NFIX: variants seen among roughly 807,000 people sequenced by gnomAD.
The protein encoded by NFIX is nuclear factor I X.
Under a neutral mutation model 53.3 loss-of-function variants are expected in NFIX, and 2 were observed. The ratio of observed to expected loss-of-function variants is 0.04; its 90% CI spans 0.02 to 0.12. NFIX has a LOEUF of 0.12. Among genes scored for constraint, NFIX ranks in the 10% least tolerant of loss-of-function variants. NFIX has a pLI of 1.00. For synonymous variants in NFIX, 244 were observed against 289.0 expected (o/e 0.84, Z 1.58); for missense variants, 310 against 674.5 (o/e 0.46, Z 5.99).
rs1157966190 is a variant in NFIX at position 13,087,774 on chromosome 19, CAAAA to C, written c.1255-194_1255-191del. 6.1e-3 allele frequency among the ~76,000 whole-genome samples: 160 copies of C among 26,380 alleles called. 1 individual carries two copies. Among genetic ancestry groups the C allele is most frequent in the African/African-American group, 0.026 (146 of 5,594 alleles). 17.3% of individuals were successfully genotyped at this position (26,380 alleles called of 152,430 possible). A position where few individuals can be genotyped will look rare whatever the true frequency, so the allele number is the denominator to read the frequency against. ...CCCTCCCACAACTTCAAAAGAGGAC[CAAAA>C]AAAAAAAAAAAAAAAAAAAAGAGAA... On this transcript the variant is annotated intron_variant, in intron 8 of 10. Coordinates refer to ENST00000592199, the MANE Select transcript of NFIX (RefSeq NM_001365902.3).
chr19:12,997,132 C>T (rs1431098734), intron 1 of NFIX, among the ~76,000 whole-genome samples: 4 of 152,266 alleles, frequency 2.6e-5, no homozygotes, highest in Non-Finnish European at 5.9e-5. Flanking sequence ...GTGTCCACAG[C>T]TTACAGTGGC....
At chr19:13,048,460 C>G (rs1383624704) in intron 2 of NFIX, among the ~76,000 whole-genome samples, 1 of 152,068 alleles carries the variant, frequency 6.6e-6, no homozygotes, top group African/African-American at 2.4e-5. Flanking sequence ...TTTCAGAACT[C>G]AGTGTCTTCT....
At position 13,073,853 on chromosome 19, in the gene NFIX, C is replaced by T. The variant is rs1186475585; in HGVS notation, c.698-53C>T. ...AGCTGTTCATGACAAAGAAACAGAC[C>T]CCATCAGGCCTCCCCCCACCTCCAA... is the stretch of plus-strand genomic sequence containing the variant. On this transcript the variant is annotated intron_variant, in intron 4 of 10. Transcript: ENST00000592199. The surrounding 1 kb of genome is among the most constrained non-coding windows in gnomAD (Gnocchi z 4.5). The T allele has an allele frequency of 1.9e-6, 3 of 1,611,996 alleles. No homozygotes were observed. In the African/African-American group the frequency reaches 4.0e-5, roughly 22 times the overall value.
chr19:13,009,964 G>C lies in NFIX; in HGVS notation c.27+14100G>C, dbSNP rs2012238017. On this transcript the variant is annotated intron_variant, in intron 1 of 10. Transcript: ENST00000592199. This position sits in a 1 kb window ranked among gnomAD's most constrained non-coding sequence, Gnocchi z 4.7. ...GCCTAACCCTGTCCACACAGGTGGAGTGGCCCACCTTGGGCCCGGGGGGGC... is the reference window on the plus strand; with the variant it reads ...GCCTAACCCTGTCCACACAGGTGGACTGGCCCACCTTGGGCCCGGGGGGGC... Among the ~76,000 whole-genome samples the C allele has an allele frequency of 6.6e-6, 1 of 152,178 alleles. No individual in the cohort carries two copies. Among genetic ancestry groups the C allele is most frequent in the Non-Finnish European group, 1.5e-5 (1 of 68,010 alleles).
chr19:13,079,104 C>T (rs779904460), intron 7 of NFIX, among the ~76,000 whole-genome samples: 18 of 152,256 alleles, frequency 1.2e-4, no homozygotes, highest in Admixed American at 2.6e-4. Flanking sequence ...GCCTTCCTGC[C>T]GGCTCCTCTC....
intron 6 of NFIX, among the ~76,000 whole-genome samples, chr19:13,076,170 G>A (rs2017090102): frequency 6.6e-6 from 1 of 152,158 alleles, no homozygotes; most frequent in South Asian, 2.1e-4. Flanking sequence ...GACATTGTCA[G>A]ACGTTCCCTA....
Position 13,001,335 on chromosome 19 carries a change from G to T in NFIX, c.27+5471G>T, listed in dbSNP as rs896283075. 2.6e-5 allele frequency among the ~76,000 whole-genome samples: 4 copies of T among 152,168 alleles called. No individual in the cohort carries two copies. The East Asian group carries it at 7.7e-4, about 29-fold the overall frequency. Reference sequence around the variant, plus strand: ...CATGTCTCCCAGCGTCCATCACTGGGTGCTACCTGCATGTGACTCCACGGA... The same window carrying T: ...CATGTCTCCCAGCGTCCATCACTGGTTGCTACCTGCATGTGACTCCACGGA... On this transcript the variant is annotated intron_variant, in intron 1 of 10. Transcript: ENST00000592199. The surrounding 1 kb of genome is among the most constrained non-coding windows in gnomAD (Gnocchi z 6.5).
Position 13,055,039 on chromosome 19 carries a change from G to A in NFIX, c.560-18008G>A, listed in dbSNP as rs1031573267. 2.0e-5 allele frequency among the ~76,000 whole-genome samples: 3 copies of A among 152,052 alleles called. No homozygotes were observed. In the East Asian group the frequency reaches 5.8e-4, roughly 29 times the overall value. ...TCTTTCTGGCCTCGTGATGGGTGGG[G>A]CCCACTTTTCCCTTCCTTCTCTCTC... On this transcript the variant is annotated intron_variant, in intron 2 of 10. Transcript: ENST00000592199.
At chr19:13,075,489 GC>G in intron 5 of NFIX, 45 bp from the exon 6 acceptor site, 1 of 1,605,330 alleles carries the variant, frequency 6.2e-7, no homozygotes, top group Non-Finnish European at 8.5e-7. Flanking sequence ...ACTCCCTGGA[GC>G]CTCAGCCCAT....
intron 2 of NFIX, among the ~76,000 whole-genome samples, chr19:13,065,508 G>A (rs568927492): frequency 6.6e-6 from 1 of 152,164 alleles, no homozygotes; most frequent in Non-Finnish European, 1.5e-5. Context: ...AGACACAGGA[G>A]GAGCCTGCAG....
At chr19:13,069,257 T>C (rs957801673) in intron 2 of NFIX, among the ~76,000 whole-genome samples, 21 of 151,904 alleles carry the variant, frequency 1.4e-4, no homozygotes, top group African/African-American at 2.4e-5. Flanking sequence ...ACAGTTAGTG[T>C]CCCCACTGGC....
rs2017466920 is a variant in NFIX at position 13,081,570 on chromosome 19, G to A, written c.1079-110G>A. ...TGTGCCTGTGGCGGCTGCCTTACCT[G>A]CTCAGGATCCTCAGGACCCTCTGAC... On this transcript the variant is annotated intron_variant, in intron 7 of 10. Coordinates refer to ENST00000592199, the MANE Select transcript of NFIX (RefSeq NM_001365902.3). This position sits in a 1 kb window ranked among gnomAD's most constrained non-coding sequence, Gnocchi z 4.7. 2 of 1,172,574 alleles carry A rather than the reference G, an allele frequency of 1.7e-6. No individual in the cohort carries two copies. Among genetic ancestry groups the A allele is most frequent in the South Asian group, 3.1e-5 (2 of 64,104 alleles). 72.6% of individuals were successfully genotyped at this position (1,172,574 alleles called of 1,614,324 possible). A position where few individuals can be genotyped will look rare whatever the true frequency, so the allele number is the denominator to read the frequency against.
chr19:13,006,903 G>A lies in NFIX; in HGVS notation c.27+11039G>A, dbSNP rs1000530397. 6.6e-6 allele frequency among the ~76,000 whole-genome samples: 1 copy of A among 152,152 alleles called. No homozygotes were observed. The highest frequency in any genetic ancestry group is 2.1e-4 in the South Asian group (1 of 4,826). Reference sequence around the variant, plus strand: ...CCCCACCCCATGCCCGGGCAGAGCCGAGCGGCTGCTGCTGCCAGTCTCCAT... The same window carrying A: ...CCCCACCCCATGCCCGGGCAGAGCCAAGCGGCTGCTGCTGCCAGTCTCCAT... On this transcript the variant is annotated intron_variant, in intron 1 of 10. Transcript: ENST00000592199. This position sits in a 1 kb window ranked among gnomAD's most constrained non-coding sequence, Gnocchi z 5.6.
At chr19:13,079,719 G>T (rs2017346581) in intron 7 of NFIX, among the ~76,000 whole-genome samples, 1 of 152,232 alleles carries the variant, frequency 6.6e-6, no homozygotes, top group Non-Finnish European at 1.5e-5. Context: ...GAGGGCGCAG[G>T]CCTGGCTCCT....
rs542849047 is a variant in NFIX at position 13,068,652 on chromosome 19, A to T, written c.560-4395A>T. 3.9e-5 allele frequency among the ~76,000 whole-genome samples: 6 copies of T among 152,338 alleles called. No homozygotes were observed. The South Asian group carries it at 1.2e-3, about 32-fold the overall frequency. On this transcript the variant is annotated intron_variant, in intron 2 of 10. Transcript: ENST00000592199. This position sits in a 1 kb window ranked among gnomAD's most constrained non-coding sequence, Gnocchi z 4.2. ...AATACAGAGTGGCCCCAGAACCTGGAGCCAAATCCCGTTTCAAAGGCTTCT... is the reference window on the plus strand; with the variant it reads ...AATACAGAGTGGCCCCAGAACCTGGTGCCAAATCCCGTTTCAAAGGCTTCT...
At chr19:13,042,360 T>A (rs925903675) in intron 2 of NFIX, among the ~76,000 whole-genome samples, 4 of 144,220 alleles carry the variant, frequency 2.8e-5, no homozygotes, top group African/African-American at 1.0e-4. Flanking sequence ...ACATGCTTTT[T>A]TTTTTTTTTT....
chr19:13,094,734 C>G lies in NFIX; in HGVS notation c.*85C>G. The stretch of plus-strand genomic sequence containing the variant: ...GAAATTTTGAGAATGGAAAAATCCC[C>G]CAGCCCAGCCCAGCCCCACCGAAAA... On this transcript the variant is annotated 3_prime_UTR_variant, in exon 11 of 11. Coordinates refer to ENST00000592199, the MANE Select transcript of NFIX (RefSeq NM_001365902.3). This position sits in a 1 kb window ranked among gnomAD's most constrained non-coding sequence, Gnocchi z 4.3. 7.4e-7 allele frequency: 1 copy of G among 1,351,382 alleles called. No homozygotes were observed. Among genetic ancestry groups the G allele is most frequent in the Non-Finnish European group, 1.0e-6 (1 of 985,014 alleles). 83.7% of individuals were successfully genotyped at this position (1,351,382 alleles called of 1,614,324 possible).
intron 2 of NFIX, among the ~76,000 whole-genome samples, chr19:13,038,105 G>A (rs778570614): frequency 4.0e-4 from 61 of 152,126 alleles, no homozygotes; most frequent in Non-Finnish European, 7.4e-4. Flanking sequence ...CTAGGAAATC[G>A]TGTGGCTTCT....
rs1380121998 is a variant in NFIX, at chr19:13,006,372, G to A, written c.27+10508G>A. Among the ~76,000 whole-genome samples, 2 of 152,214 alleles carry A rather than the reference G, an allele frequency of 1.3e-5. No individual in the cohort carries two copies. The highest frequency in any genetic ancestry group is 4.8e-5 in the African/African-American group (2 of 41,454). ...GCCCATCATTTGCCCAGACCATGTT[G>A]CCTGTCATTTCTTCAATCTGAGCTC... is the stretch of plus-strand genomic sequence containing the variant. On this transcript the variant is annotated intron_variant, in intron 1 of 10. Transcript: ENST00000592199. The surrounding 1 kb of genome is among the most constrained non-coding windows in gnomAD (Gnocchi z 5.6).
Sources: gnomAD v4.1 joint callset for allele counts (sites outside exome capture counted in the v4.1 genomes callset) on GRCh38, gnomAD v4.1.1 for gene constraint, Gnocchi (gnomAD v3.1) non-coding constraint, MANE v1.5 for transcripts, NCBI Gene and HGNC (gene_info 2026-07-23, HGNC 2026-07-21) for gene names.